The following SDK2 variants were observed in gnomAD, a reference collection of about 807,000 sequenced individuals.
The protein encoded by SDK2 is sidekick cell adhesion molecule 2.
SDK2 carries 105 observed loss-of-function variants against 253.9 expected under a neutral mutation model. The observed-to-expected ratio is 0.41, with a 90% CI of 0.35 to 0.49. SDK2 has a LOEUF of 0.49. Among genes scored for constraint, SDK2 ranks in the 20% least tolerant of loss-of-function variants. SDK2 has a pLI of 0.06. For missense variants in SDK2, 2,608 were observed against 3,003.0 expected (o/e 0.87, Z 3.07); for synonymous variants, 1,249 against 1,234.9 (o/e 1.01, Z -0.24).
In SDK2 at chr17:73,395,101, T is replaced by C. The variant is rs2062959177; in HGVS notation, c.3592+54A>G. ...ACGCGCTTGGATGACCCTGAGGGCATAGAGACCAAGGAGGGGACAGGCAGC... is the reference window on the plus strand; with the variant it reads ...ACGCGCTTGGATGACCCTGAGGGCACAGAGACCAAGGAGGGGACAGGCAGC... On this transcript the variant is annotated intron_variant, in intron 25 of 44. Transcript: ENST00000392650. This position sits in a 1 kb window ranked among gnomAD's most constrained non-coding sequence, Gnocchi z 4.3. 7 of 1,431,220 alleles carry C rather than the reference T, an allele frequency of 4.9e-6. No individual in the cohort carries two copies. Among genetic ancestry groups the C allele is most frequent in the Middle Eastern group, 2.3e-4 (1 of 4,296 alleles). The allele number at this position is 1,431,220 out of a possible 1,614,324, so 88.7% of individuals were successfully genotyped here.
intron 24 of SDK2, among the ~76,000 whole-genome samples, chr17:73,396,339 C>G (rs2062970754): frequency 6.6e-6 from 1 of 152,160 alleles, no homozygotes. Flanking sequence ...AGCCCAGGGC[C>G]TGGCCTCCAC....
At chr17:73,625,877 T>A (rs1323851769) in intron 1 of SDK2, among the ~76,000 whole-genome samples, 1 of 152,188 alleles carries the variant, frequency 6.6e-6, no homozygotes, top group Non-Finnish European at 1.5e-5. Context: ...ACTCCTGACC[T>A]CAGGTGATCC....
rs1355297591 is a variant in SDK2 at position 73,523,558 on chromosome 17, G to A, written c.65-15961C>T. ...TGAAGATGGGAACAATGTAGCTGCC[G>A]GCATGGGAACGCCAGAATCGCTAGC... On this transcript the variant is annotated intron_variant, in intron 1 of 44. Coordinates refer to ENST00000392650, the MANE Select transcript of SDK2 (RefSeq NM_001144952.2). Among the ~76,000 whole-genome samples, 5 of 151,900 alleles carry A rather than the reference G, an allele frequency of 3.3e-5. No individual in the cohort carries two copies. The South Asian group carries it at 6.2e-4, about 19-fold the overall frequency.
At chr17:73,601,373 G>A (rs1006584078) in intron 1 of SDK2, among the ~76,000 whole-genome samples, 1 of 152,144 alleles carries the variant, frequency 6.6e-6, no homozygotes, top group Non-Finnish European at 1.5e-5. Flanking sequence ...CATGCTGGGT[G>A]GAATAGTGTC....
intron 1 of SDK2, among the ~76,000 whole-genome samples, chr17:73,554,597 C>T (rs1318366201): frequency 5.3e-5 from 8 of 152,218 alleles, no homozygotes; most frequent in Non-Finnish European, 7.3e-5. Context: ...GACTTCTGGT[C>T]TCTAGAATTG....
chr17:73,584,541 C>T (rs931560130), intron 1 of SDK2, among the ~76,000 whole-genome samples: 6 of 152,222 alleles, frequency 3.9e-5, no homozygotes, highest in African/African-American at 1.4e-4. Context: ...CTGTAGGAGG[C>T]TTTGGAGAGA....
At chr17:73,506,224 C>T (rs972103596) in intron 2 of SDK2, among the ~76,000 whole-genome samples, 6 of 152,208 alleles carry the variant, frequency 3.9e-5, no homozygotes, top group African/African-American at 1.4e-4. Context: ...CCAGGAGAGG[C>T]TCTGGCCCCC....
At chr17:73,518,968 C>T (rs766458893) in intron 1 of SDK2, 2 of 152,246 alleles carry the variant, frequency 1.3e-5, no homozygotes, top group Non-Finnish European at 2.9e-5. Flanking sequence ...TCACCCTTCT[C>T]ACAGGTGACT....
chr17:73,427,829 A>G (rs994483125), intron 12 of SDK2, among the ~76,000 whole-genome samples: 2 of 152,210 alleles, frequency 1.3e-5, no homozygotes, highest in Non-Finnish European at 2.9e-5. Flanking sequence ...GGCACAATCC[A>G]TGAAAGAAAG....
At chr17:73,575,795 C>T (rs954061478) in intron 1 of SDK2, among the ~76,000 whole-genome samples, 2 of 152,198 alleles carry the variant, frequency 1.3e-5, no homozygotes, top group African/African-American at 2.4e-5. Flanking sequence ...ACAACGGCAA[C>T]GCAGCAGCGC....
At chr17:73,519,890 C>T (rs1214396911) in intron 1 of SDK2, 1 of 152,138 alleles carries the variant, frequency 6.6e-6, no homozygotes, top group African/African-American at 2.4e-5. Context: ...GGCTGGTGAC[C>T]CCGGTGTACC....
chr17:73,377,322 G>A (rs1020607629), intron 36 of SDK2, among the ~76,000 whole-genome samples: 4 of 150,522 alleles, frequency 2.7e-5, no homozygotes, highest in African/African-American at 7.4e-5. Context: ...GGGTTCAAAC[G>A]ATTCTCCTGC....
chr17:73,584,189 G>C (rs1275501831), intron 1 of SDK2, among the ~76,000 whole-genome samples: 1 of 152,226 alleles, frequency 6.6e-6, no homozygotes, highest in East Asian at 1.9e-4. Flanking sequence ...GAGCTGGGCA[G>C]TTGGCCTGGC....
chr17:73,364,107 C>G (rs371433018), intron 38 of SDK2, among the ~76,000 whole-genome samples: 5 of 152,198 alleles, frequency 3.3e-5, no homozygotes, highest in East Asian at 1.9e-4. Flanking sequence ...GCCACACCCC[C>G]AGCACCTGGC....
intron 3 of SDK2, among the ~76,000 whole-genome samples, chr17:73,469,887 T>C (rs2063631670): frequency 6.6e-6 from 1 of 152,020 alleles, no homozygotes; most frequent in East Asian, 1.9e-4. Context: ...TCCAGAAAGT[T>C]TCTACTGTCT....
rs151020640 is a variant in SDK2 at position 73,401,182 on chromosome 17, G to A, written c.2809C>T (p.Arg937Ter). 6.4e-7 allele frequency: 1 copy of A among 1,555,218 alleles called. No individual in the cohort carries two copies. Among genetic ancestry groups the A allele is most frequent in the Non-Finnish European group, 8.7e-7 (1 of 1,149,014 alleles). Reference sequence around the variant, plus strand: ...TAGTGGGTCACACGGGTGTTGGTTCGATTGTACTCCTCCCAGGAGATCCGG... The same window carrying A: ...TAGTGGGTCACACGGGTGTTGGTTCAATTGTACTCCTCCCAGGAGATCCGG... ...GYRISWEEYNRTNTRVTHYLP... is the reference protein window; with the variant it reads ...GYRISWEEYN Residue 937 changes from arginine to a stop codon, truncating the protein, a stop_gained, in exon 21 of 45, where the codon CGA (arginine) becomes TGA (stop). Coordinates refer to ENST00000392650, the MANE Select transcript of SDK2 (RefSeq NM_001144952.2). LOFTEE classifies it high-confidence loss of function.
At chr17:73,504,631 C>CAAAA (rs146981971) in intron 2 of SDK2, among the ~76,000 whole-genome samples, 15 of 47,002 alleles carry the variant, frequency 3.2e-4, no homozygotes, top group African/African-American at 9.3e-4. Flanking sequence ...GACTCTGTCT[C>CAAAA]AAAAAAAAAA....
intron 14 of SDK2, 102 bp from the exon 15 acceptor site, chr17:73,422,536 AAG>A: frequency 2.2e-6 from 3 of 1,340,554 alleles, no homozygotes; most frequent in East Asian, 4.6e-5. Flanking sequence ...TGGGGCTGGC[AAG>A]AGAGAGCCTC....
At position 73,629,368 on chromosome 17, in the gene SDK2, CTTGCAT is replaced by C. The variant is rs2046241104; in HGVS notation, c.64+14651_64+14656del. Among the ~76,000 whole-genome samples, 1 of 152,282 alleles carries C rather than the reference CTTGCAT, an allele frequency of 6.6e-6. No individual in the cohort carries two copies. Among genetic ancestry groups the C allele is most frequent in the Middle Eastern group, 3.4e-3 (1 of 294 alleles). On this transcript the variant is annotated intron_variant, in intron 1 of 44. Coordinates refer to ENST00000392650, the MANE Select transcript of SDK2 (RefSeq NM_001144952.2). The surrounding 1 kb of genome is among the most constrained non-coding windows in gnomAD (Gnocchi z 5.0). ...TTAAGCTGCTGTTTCCCTCCTGACGCTTGCATAGCTTCTATGAGATGGTTGCTGCCC... is the reference window on the plus strand; with the variant it reads ...TTAAGCTGCTGTTTCCCTCCTGACGCAGCTTCTATGAGATGGTTGCTGCCC...
Sources: gnomAD v4.1 joint callset for allele counts (sites outside exome capture counted in the v4.1 genomes callset) on GRCh38, gnomAD v4.1.1 for gene constraint, Gnocchi (gnomAD v3.1) non-coding constraint, MANE v1.5 for transcripts, NCBI Gene and HGNC (gene_info 2026-07-23, HGNC 2026-07-21) for gene names.